CYP19A1: variants seen among roughly 807,000 people sequenced by gnomAD.
CYP19A1 encodes the protein aromatase.
CYP19A1 carries 32 observed loss-of-function variants against 44.4 expected under a neutral mutation model. That is an observed-to-expected ratio of 0.72 (90% CI 0.54 to 0.97). The LOEUF (loss-of-function observed/expected upper bound fraction) is 0.97. Among genes scored for constraint, CYP19A1 ranks in the 50% least tolerant of loss-of-function variants. The pLI, the probability that CYP19A1 is intolerant of heterozygous loss-of-function variation, is 0.00. For synonymous variants in CYP19A1, 212 were observed against 215.6 expected (o/e 0.98, Z 0.14); for missense variants, 598 against 637.8 (o/e 0.94, Z 0.67).
At chr15:51,335,535 G>A (rs981928959) in intron 1 of CYP19A1, among the ~76,000 whole-genome samples, 3 of 152,134 alleles carry the variant, frequency 2.0e-5, no homozygotes, top group African/African-American at 4.8e-5. Flanking sequence ...TTTAGTCACG[G>A]TTCTGTTTTT....
chr15:51,333,283 G>A (rs543317373), intron 1 of CYP19A1, among the ~76,000 whole-genome samples: 100 of 152,224 alleles, frequency 6.6e-4, no homozygotes, highest in African/African-American at 1.9e-3. Context: ...GGACAAAAAT[G>A]GTGGTTCTCA....
intron 5 of CYP19A1, among the ~76,000 whole-genome samples, chr15:51,220,731 C>T (rs1388102685): frequency 1.3e-5 from 2 of 152,166 alleles, no homozygotes; most frequent in African/African-American, 2.4e-5. Context: ...TTTCTTTATG[C>T]TGAGAACATT....
At chr15:51,319,927 G>A (rs2036497384) in intron 1 of CYP19A1, among the ~76,000 whole-genome samples, 2 of 152,244 alleles carry the variant, frequency 1.3e-5, no homozygotes, top group South Asian at 4.1e-4. Context: ...CTGCTGTGAA[G>A]TTCAGATGAG....
At position 51,218,618 on chromosome 15, in the gene CYP19A1, A is replaced by C; in HGVS notation, c.666T>G (p.Asp222Glu). 6.2e-7 allele frequency: 1 copy of C among 1,613,868 alleles called. No homozygotes were observed. The highest frequency in any genetic ancestry group is 2.2e-5 in the East Asian group (1 of 44,850). ...GTTTGATGAGGAGAGCTTGCCATGC[A>C]TCAAAATAACCTTGGATTTTAACCA... ...AIVVKIQGYF[D>E]AWQALLIKPD... The change falls in exon 6 of 10, where the codon GAT becomes GAG. Residue 222 changes from aspartate (D) to glutamate (E), a missense_variant. Transcript: ENST00000396402.
At chr15:51,311,244 A>G (rs564329611) in intron 1 of CYP19A1, among the ~76,000 whole-genome samples, 1 of 152,354 alleles carries the variant, frequency 6.6e-6, no homozygotes, top group Non-Finnish European at 1.5e-5. Flanking sequence ...AATGAATGGA[A>G]AAATAGAAAT....
intron 1 of CYP19A1, among the ~76,000 whole-genome samples, chr15:51,281,807 C>T (rs2035528499): frequency 6.6e-6 from 1 of 152,160 alleles, no homozygotes; most frequent in Non-Finnish European, 1.5e-5. Context: ...ACACTGACTT[C>T]CCCCAACCCA....
At chr15:51,222,066 C>A (rs2032134442) in intron 5 of CYP19A1, 1 of 576,788 alleles carries the variant, frequency 1.7e-6, no homozygotes, top group Non-Finnish European at 3.0e-6. Context: ...ACCAAACGAA[C>A]TAATCACATT....
At chr15:51,267,820 C>T (rs147120433) in intron 1 of CYP19A1, among the ~76,000 whole-genome samples, 388 of 152,324 alleles carry the variant, frequency 2.5e-3, no homozygotes, top group Middle Eastern at 6.8e-3. Context: ...ACCAGCCCTG[C>T]CGGCTCCCCA....
intron 4 of CYP19A1, among the ~76,000 whole-genome samples, chr15:51,223,090 A>G (rs970328228): frequency 1.3e-5 from 2 of 152,124 alleles, no homozygotes; most frequent in Non-Finnish European, 2.9e-5. Context: ...AACTACTTCC[A>G]GGTTTATTTT....
At chr15:51,243,956 A>G (rs2033934372) in intron 1 of CYP19A1, among the ~76,000 whole-genome samples, 2 of 152,186 alleles carry the variant, frequency 1.3e-5, no homozygotes, top group African/African-American at 4.8e-5. Context: ...GTGAGGAAAG[A>G]GTGAGTCATC....
chr15:51,246,717 G>C (rs1327270262), intron 1 of CYP19A1, among the ~76,000 whole-genome samples: 1 of 152,270 alleles, frequency 6.6e-6, no homozygotes, highest in African/African-American at 2.4e-5. Flanking sequence ...ACAGGGAGGG[G>C]AGGCAGGCCC....
intron 1 of CYP19A1, among the ~76,000 whole-genome samples, chr15:51,310,546 C>T (rs1423590203): frequency 6.6e-6 from 1 of 152,194 alleles, no homozygotes; most frequent in African/African-American, 2.4e-5. Flanking sequence ...AACTGTATCG[C>T]CATCACCTTG....
chr15:51,330,875 A>G (rs1311488364), intron 1 of CYP19A1, among the ~76,000 whole-genome samples: 1 of 152,198 alleles, frequency 6.6e-6, no homozygotes, highest in African/African-American at 2.4e-5. Flanking sequence ...AAAAGTTTTC[A>G]TTGTATTTTG....
intron 1 of CYP19A1, among the ~76,000 whole-genome samples, chr15:51,282,008 A>C (rs766973302): frequency 6.6e-6 from 1 of 152,222 alleles, no homozygotes; most frequent in Non-Finnish European, 1.5e-5. Flanking sequence ...AACCAAATAA[A>C]GAGAAATAAA....
intron 1 of CYP19A1, among the ~76,000 whole-genome samples, chr15:51,337,566 C>A (rs1163224338): frequency 6.6e-6 from 1 of 152,168 alleles, no homozygotes; most frequent in Non-Finnish European, 1.5e-5. Context: ...CCACAGAGCC[C>A]CTGCAGCTTG....
At chr15:51,317,508 C>T (rs2141018673) in intron 1 of CYP19A1, among the ~76,000 whole-genome samples, 1 of 152,318 alleles carries the variant, frequency 6.6e-6, no homozygotes, top group South Asian at 2.1e-4. Context: ...TTTATGCAAG[C>T]CCCTGTGCAA....
intron 1 of CYP19A1, among the ~76,000 whole-genome samples, chr15:51,259,662 C>T (rs986673673): frequency 8.5e-5 from 13 of 152,180 alleles, no homozygotes; most frequent in African/African-American, 3.1e-4. Flanking sequence ...GCTAGCCTTC[C>T]TCAACATCTT....
intron 4 of CYP19A1, among the ~76,000 whole-genome samples, chr15:51,225,302 G>C (rs2141071301): frequency 6.6e-6 from 1 of 152,330 alleles, no homozygotes; most frequent in East Asian, 1.9e-4. Context: ...TGTCAGGGTA[G>C]AGGATATTGG....
intron 1 of CYP19A1, among the ~76,000 whole-genome samples, chr15:51,271,759 A>T (rs1160956309): frequency 6.6e-6 from 1 of 152,234 alleles, no homozygotes; most frequent in Non-Finnish European, 1.5e-5. Context: ...TTGATTGATT[A>T]GTCCAAGGAT....
Sources: gnomAD v4.1 joint callset for allele counts (sites outside exome capture counted in the v4.1 genomes callset) on GRCh38, gnomAD v4.1.1 for gene constraint, MANE v1.5 for transcripts, NCBI Gene and HGNC (gene_info 2026-07-23, HGNC 2026-07-21) for gene names.